SNED1: variants seen among roughly 807,000 people sequenced by gnomAD.
The protein encoded by SNED1 is sushi, nidogen and EGF-like domain-containing protein 1.
Under a neutral mutation model 166.7 loss-of-function variants are expected in SNED1, and 81 were observed. That is an observed-to-expected ratio of 0.49 (90% CI 0.41 to 0.58). The LOEUF (loss-of-function observed/expected upper bound fraction) is 0.58. SNED1 is among the 20% of genes least tolerant of loss of function. The pLI, the probability that SNED1 is intolerant of heterozygous loss-of-function variation, is 0.00. For synonymous variants in SNED1, 762 were observed against 822.0 expected (o/e 0.93, Z 1.25); for missense variants, 1,604 against 2,000.2 (o/e 0.80, Z 3.78).
At position 241,037,288 on chromosome 2, in the gene SNED1, C is replaced by A; in HGVS notation, c.980C>A (p.Thr327Asn). Residue 327 changes from threonine (T) to asparagine (N), a missense_variant, in exon 6 of 32, where the codon ACT becomes AAT. By Grantham distance (65) the Thr-to-Asn change is moderately conservative. Coordinates refer to ENST00000310397, the MANE Select transcript of SNED1 (RefSeq NM_001080437.3). ...CCCTGTCAGAATGGTGGGACCTGTA[C>A]TCACGGCATCAACAGTTTCCGCTGC... Reference protein sequence around the residue: ...SQPCQNGGTCTHGINSFRCQC... With the variant: ...SQPCQNGGTCNHGINSFRCQC... The A allele has an allele frequency of 6.2e-7, 1 of 1,611,566 alleles. No individual in the cohort carries two copies. The highest frequency in any genetic ancestry group is 8.5e-7 in the Non-Finnish European group (1 of 1,179,252).
chr2:241,015,177 C>T (rs557571795), intron 1 of SNED1, among the ~76,000 whole-genome samples: 17 of 152,326 alleles, frequency 1.1e-4, no homozygotes, highest in African/African-American at 4.1e-4. Context: ...ATTGGGATTG[C>T]ATTGACTATA....
At chr2:241,072,006 C>T in intron 26 of SNED1, 128 bp downstream of exon 26, 1 of 853,448 alleles carries the variant, frequency 1.2e-6, no homozygotes, top group Non-Finnish European at 1.9e-6. Context: ...CCAGTGACCC[C>T]CACCCCGACT....
intron 20 of SNED1, 66 bp from the exon 21 acceptor site, chr2:241,065,233 G>A (rs946273316): frequency 3.2e-6 from 5 of 1,547,816 alleles, no homozygotes; most frequent in Non-Finnish European, 4.4e-6. Flanking sequence ...GCCGCCGACG[G>A]GAGCCAGGCA....
At chr2:241,019,039 T>C (rs2060687581) in intron 1 of SNED1, among the ~76,000 whole-genome samples, 1 of 152,096 alleles carries the variant, frequency 6.6e-6, no homozygotes, top group Admixed American at 6.5e-5. Context: ...TTTTGGAGGA[T>C]GGGATGACCA....
rs560255911 is a variant in SNED1, at chr2:241,073,183, T to C, written c.3818-83T>C. 3.2e-5 allele frequency: 31 copies of C among 980,404 alleles called. No homozygotes were observed. Among genetic ancestry groups the C allele is most frequent in the Non-Finnish European group, 4.3e-5 (28 of 644,192 alleles). 60.7% of individuals were successfully genotyped at this position (980,404 alleles called of 1,614,324 possible). A position where few individuals can be genotyped will look rare whatever the true frequency, so the allele number is the denominator to read the frequency against. On this transcript the variant is annotated intron_variant, in intron 26 of 31. Coordinates refer to ENST00000310397, the MANE Select transcript of SNED1 (RefSeq NM_001080437.3). The surrounding 1 kb of genome is among the most constrained non-coding windows in gnomAD (Gnocchi z 6.6). ...AGGGACATCCGTGCTCCCTGAGATA[T>C]AGAAGCACTCAAAAGGGTGGCCCCA... is the stretch of plus-strand genomic sequence containing the variant.
intron 12 of SNED1, 82 bp downstream of exon 12, chr2:241,050,015 C>T: frequency 9.7e-7 from 1 of 1,035,546 alleles, no homozygotes; most frequent in South Asian, 1.3e-5. Context: ...TCTGCTGTCT[C>T]TCTCCTTGTT....
intron 1 of SNED1, among the ~76,000 whole-genome samples, chr2:241,019,750 T>C (rs149247983): frequency 5.9e-5 from 9 of 152,284 alleles, no homozygotes; most frequent in African/African-American, 2.2e-4. Context: ...GTCAAATCAG[T>C]GACCAGGATT....
rs947674355 is a variant in SNED1, at chr2:241,050,124, C to T, written c.1735+191C>T. On this transcript the variant is annotated intron_variant, in intron 12 of 31. Coordinates refer to ENST00000310397, the MANE Select transcript of SNED1 (RefSeq NM_001080437.3). ...TCACTGTTTGGATGGTTCTGATCTG[C>T]ACCAGTGCCAGGCCTGCTGGTCATT... 5 of 646,970 alleles carry T rather than the reference C, an allele frequency of 7.7e-6. No homozygotes were observed. The Admixed American group carries it at 8.8e-5, about 11-fold the overall frequency. The allele number at this position is 646,970 out of a possible 1,614,324, so 40.1% of individuals were successfully genotyped here.
At chr2:241,083,487 G>A (rs1243325086) in intron 29 of SNED1, among the ~76,000 whole-genome samples, 1 of 152,188 alleles carries the variant, frequency 6.6e-6, no homozygotes, top group South Asian at 2.1e-4. Flanking sequence ...GACGGGCAAG[G>A]GTAGAAGCTT....
At chr2:241,048,200 C>G in intron 8 of SNED1, 115 bp from the exon 9 acceptor site, 1 of 1,261,796 alleles carries the variant, frequency 7.9e-7, no homozygotes, top group Non-Finnish European at 1.1e-6. Context: ...GGCTTAAATT[C>G]CACTTGGGAA....
chr2:241,042,314 G>A (rs1218795283), intron 8 of SNED1, among the ~76,000 whole-genome samples: 1 of 152,158 alleles, frequency 6.6e-6, no homozygotes, highest in Non-Finnish European at 1.5e-5. Flanking sequence ...CCTCAGTGGG[G>A]TGTCACTTTA....
intron 31 of SNED1, chr2:241,088,825 CTCCAGGAG>C (rs778062998): frequency 8.9e-6 from 2 of 225,090 alleles, no homozygotes; most frequent in Non-Finnish European, 1.7e-5. Flanking sequence ...ATTCCGGGGG[CTCCAGGAG>C]AGGGCTGAGA....
chr2:241,053,097 T>C lies in SNED1; in HGVS notation c.2084-56T>C. On this transcript the variant is annotated intron_variant, in intron 15 of 31. Coordinates refer to ENST00000310397, the MANE Select transcript of SNED1 (RefSeq NM_001080437.3). ...GTCGGGTCGGGCAGAGGCAGGGCGG[T>C]GGGGAGGGGCCAGGAAGGCACAGGA... 3.3e-6 allele frequency: 5 copies of C among 1,532,822 alleles called. No individual in the cohort carries two copies. The East Asian group carries it at 1.2e-4, about 37-fold the overall frequency. 95.0% of individuals were successfully genotyped at this position (1,532,822 alleles called of 1,614,324 possible).
intron 2 of SNED1, among the ~76,000 whole-genome samples, chr2:241,031,343 T>G (rs1173199176): frequency 6.6e-6 from 1 of 152,130 alleles, no homozygotes; most frequent in Non-Finnish European, 1.5e-5. Context: ...TTTTGTATTT[T>G]CAGTAGAGAG....
intron 1 of SNED1, among the ~76,000 whole-genome samples, chr2:241,014,939 C>T (rs867191070): frequency 2.0e-5 from 3 of 152,146 alleles, no homozygotes; most frequent in African/African-American, 7.2e-5. Flanking sequence ...ACACCCCCAG[C>T]GCCGTTGTGG....
At position 241,040,360 on chromosome 2, in the gene SNED1, G is replaced by A. The variant is rs1487028360; in HGVS notation, c.1220G>A (p.Gly407Glu). ...LNGGSCVDLV[G>E]NYTCLCAEPF... ...GGAGGCTCTTGTGTTGACCTAGTGG[G>A]GAATTACACCTGCTTGTGTGCCGAG... is the stretch of plus-strand genomic sequence containing the variant. The change falls in exon 8 of 32, where the codon GGG becomes GAG. Residue 407 changes from glycine to glutamate, a missense_variant. By Grantham distance (98) the Gly-to-Glu change is moderately conservative. Coordinates refer to ENST00000310397, the MANE Select transcript of SNED1 (RefSeq NM_001080437.3). 6.2e-6 allele frequency: 10 copies of A among 1,609,188 alleles called. No homozygotes were observed. The highest frequency in any genetic ancestry group is 8.5e-6 in the Non-Finnish European group (10 of 1,177,966).
intron 27 of SNED1, among the ~76,000 whole-genome samples, chr2:241,076,419 C>T (rs1169614214): frequency 1.3e-5 from 2 of 152,058 alleles, no homozygotes; most frequent in Admixed American, 6.6e-5. Context: ...AGTTACTTTT[C>T]CTGATTATTT....
chr2:241,051,966 A>G lies in SNED1; in HGVS notation c.1853-75A>G, dbSNP rs2061857681. 2 of 1,498,148 alleles carry G rather than the reference A, an allele frequency of 1.3e-6. No homozygotes were observed. The highest frequency in any genetic ancestry group is 1.7e-4 in the Middle Eastern group (1 of 5,800). 92.8% of individuals were successfully genotyped at this position (1,498,148 alleles called of 1,614,324 possible). Reference sequence around the variant, plus strand: ...AGCTGTGGGTCTGCTTCTCATGAAGAGGCCCCAGCTCTGGGATGTTGGGGA... The same window carrying G: ...AGCTGTGGGTCTGCTTCTCATGAAGGGGCCCCAGCTCTGGGATGTTGGGGA... On this transcript the variant is annotated intron_variant, in intron 13 of 31. Transcript: ENST00000310397. The surrounding 1 kb of genome is among the most constrained non-coding windows in gnomAD (Gnocchi z 4.7).
chr2:241,094,404 C>T lies in SNED1; in HGVS notation c.*2768C>T. 1 of 471,204 alleles carries T rather than the reference C, an allele frequency of 2.1e-6. No individual in the cohort carries two copies. The highest frequency in any genetic ancestry group is 1.5e-5 in the South Asian group (1 of 64,558). The allele number at this position is 471,204 out of a possible 1,614,324, so 29.2% of individuals were successfully genotyped here. ...TCTTTTGCAAAACAAAAGTCTTTTT[C>T]TTTGCAGTCACGCTGTAAGACGAGG... On this transcript the variant is annotated 3_prime_UTR_variant, in exon 32 of 32. Coordinates refer to ENST00000310397, the MANE Select transcript of SNED1 (RefSeq NM_001080437.3). This position sits in a 1 kb window ranked among gnomAD's most constrained non-coding sequence, Gnocchi z 4.3.
Sources: gnomAD v4.1 joint callset for allele counts (sites outside exome capture counted in the v4.1 genomes callset) on GRCh38, gnomAD v4.1.1 for gene constraint, Gnocchi (gnomAD v3.1) non-coding constraint, MANE v1.5 for transcripts, NCBI Gene and HGNC (gene_info 2026-07-23, HGNC 2026-07-21) for gene names.